SOX6: variants seen among roughly 807,000 people sequenced by gnomAD.
SOX6 encodes SRY-box transcription factor 6, also known as transcription factor SOX-6.
A neutral mutation model predicts 97.8 loss-of-function variants in SOX6; 11 were observed. The ratio of observed to expected loss-of-function variants is 0.11; its 90% CI spans 0.07 to 0.19. The LOEUF (loss-of-function observed/expected upper bound fraction) is 0.19, where lower values mean the gene tolerates loss of function less well. Among genes scored for constraint, SOX6 ranks in the 10% least tolerant of loss-of-function variants. SOX6 has a pLI of 1.00. For synonymous variants in SOX6, 360 were observed against 371.4 expected (o/e 0.97, Z 0.35); for missense variants, 810 against 1,039.5 (o/e 0.78, Z 3.04).
At chr11:15,978,910 A>G (rs894762056) in intron 15 of SOX6, among the ~76,000 whole-genome samples, 60 of 138,544 alleles carry the variant, frequency 4.3e-4, no homozygotes, top group African/African-American at 1.5e-3. Context: ...TATAATATAT[A>G]TAAGCATTAT....
chr11:16,479,835 T>C (rs1860312757), upstream of SOX6, among the ~76,000 whole-genome samples: 1 of 152,096 alleles, frequency 6.6e-6, no homozygotes, highest in Non-Finnish European at 1.5e-5. Flanking sequence ...CTATATCCTT[T>C]GAGATTTCAA....
chr11:16,158,340 A>AG (rs983555146), intron 6 of SOX6, among the ~76,000 whole-genome samples: 3 of 151,856 alleles, frequency 2.0e-5, no homozygotes, highest in African/African-American at 7.3e-5. Flanking sequence ...TGGCTTTCGT[A>AG]GGGTATGACT....
At chr11:15,976,717 C>T (rs1293679816) in intron 15 of SOX6, among the ~76,000 whole-genome samples, 4 of 152,126 alleles carry the variant, frequency 2.6e-5, no homozygotes, top group Non-Finnish European at 5.9e-5. Flanking sequence ...ATGTTGACAT[C>T]TTCTAAGAAA....
At chr11:16,293,831 G>C (rs1434085638) in intron 3 of SOX6, among the ~76,000 whole-genome samples, 1 of 151,952 alleles carries the variant, frequency 6.6e-6, no homozygotes, top group African/African-American at 2.4e-5. Context: ...AGTACTTGGG[G>C]GTCACCGCAG....
At chr11:16,513,704 G>C (rs565564129) in intron 4 of SOX6, among the ~76,000 whole-genome samples, 1 of 152,248 alleles carries the variant, frequency 6.6e-6, no homozygotes, top group South Asian at 2.1e-4. Flanking sequence ...ACAGAGTAAT[G>C]TTGCTGAGAA....
chr11:16,546,217 A>C (rs1847619425), intron 4 of SOX6, among the ~76,000 whole-genome samples: 1 of 152,210 alleles, frequency 6.6e-6, no homozygotes, highest in Admixed American at 6.5e-5. Context: ...AATAAATGGA[A>C]AGGCATCCCA....
At chr11:16,058,673 T>C (rs1398360088) in intron 9 of SOX6, among the ~76,000 whole-genome samples, 2 of 152,016 alleles carry the variant, frequency 1.3e-5, no homozygotes, top group African/African-American at 4.8e-5. Context: ...CATCATTACA[T>C]GAGCCAAGCA....
chr11:16,213,438 T>C (rs776290822), intron 4 of SOX6, among the ~76,000 whole-genome samples: 13 of 152,164 alleles, frequency 8.5e-5, no homozygotes, highest in Non-Finnish European at 1.8e-4. Context: ...TCAAAATCTG[T>C]ATTAAACACA....
chr11:16,104,365 A>G (rs1849021725), intron 7 of SOX6, among the ~76,000 whole-genome samples: 1 of 152,052 alleles, frequency 6.6e-6, no homozygotes. Flanking sequence ...AGAAAAGGTC[A>G]GATTTTCTTA....
At chr11:16,364,934 C>A (rs563055161) in intron 1 of SOX6, among the ~76,000 whole-genome samples, 1 of 152,162 alleles carries the variant, frequency 6.6e-6, no homozygotes, top group South Asian at 2.1e-4. Flanking sequence ...TACTGTGGAA[C>A]TATTATAAAG....
intron 7 of SOX6, among the ~76,000 whole-genome samples, chr11:16,102,815 G>T (rs1848982024): frequency 6.6e-6 from 1 of 151,942 alleles, no homozygotes; most frequent in South Asian, 2.1e-4. Context: ...GGAATAATTG[G>T]CAAGCCACAC....
At chr11:16,705,590 G>A (rs1486517252) in intron 3 of SOX6, among the ~76,000 whole-genome samples, 1 of 152,108 alleles carries the variant, frequency 6.6e-6, no homozygotes, top group Non-Finnish European at 1.5e-5. Flanking sequence ...TAGTGCCACT[G>A]CACTCCAACC....
intron 4 of SOX6, among the ~76,000 whole-genome samples, chr11:16,221,357 C>G (rs960594621): frequency 2.0e-5 from 3 of 151,898 alleles, no homozygotes; most frequent in African/African-American, 4.8e-5. Context: ...CTTGATGAAA[C>G]CAATAAAAAT....
At chr11:16,316,987 A>C (rs1312103783) in intron 3 of SOX6, 9 of 152,028 alleles carry the variant, frequency 5.9e-5, no homozygotes. Flanking sequence ...TAATTTTATA[A>C]TCTATAGGTA....
intron 9 of SOX6, among the ~76,000 whole-genome samples, chr11:16,074,796 A>G (rs189404427): frequency 4.3e-4 from 66 of 152,316 alleles, no homozygotes; most frequent in African/African-American, 1.3e-3. Context: ...ATACTGCCAA[A>G]AGCAATTAAA....
intron 3 of SOX6, chr11:16,311,710 C>A (rs1855608430): frequency 6.6e-6 from 1 of 152,156 alleles, no homozygotes; most frequent in South Asian, 2.1e-4. Context: ...GTAGGCTATA[C>A]TGTCTCTCTA....
At chr11:15,973,888 C>T (rs1200290806) in intron 15 of SOX6, among the ~76,000 whole-genome samples, 3 of 152,124 alleles carry the variant, frequency 2.0e-5, no homozygotes, top group African/African-American at 4.8e-5. Flanking sequence ...ATAATGTTAC[C>T]CTAGTTTAAA....
At chr11:16,670,107 C>T (rs985819195) in intron 3 of SOX6, among the ~76,000 whole-genome samples, 2 of 152,124 alleles carry the variant, frequency 1.3e-5, no homozygotes, top group African/African-American at 4.8e-5. Flanking sequence ...AGCTGCCACA[C>T]CCATGGCTGA....
At chr11:16,343,312 A>T (rs930562426) in intron 1 of SOX6, among the ~76,000 whole-genome samples, 52 of 151,934 alleles carry the variant, frequency 3.4e-4, no homozygotes, top group Non-Finnish European at 1.2e-4. Context: ...AAATAGTTCA[A>T]TACAATTGAA....
Sources: allele counts gnomAD v4.1 joint callset (sites outside exome capture counted in the v4.1 genomes callset), GRCh38; gene constraint gnomAD v4.1.1; transcripts MANE v1.5; gene names NCBI Gene and HGNC (gene_info 2026-07-23, HGNC 2026-07-21).